ESR2: variants seen among roughly 807,000 people sequenced by gnomAD.
ESR2 encodes estrogen receptor 2.
ESR2 carries 36 observed loss-of-function variants against 49.6 expected under a neutral mutation model. That is an observed-to-expected ratio of 0.73 (90% CI 0.56 to 0.96). The LOEUF is 0.96. Among genes scored for constraint, ESR2 ranks in the 40% least tolerant of loss-of-function variants. ESR2 has a pLI of 0.00. For synonymous variants in ESR2, 320 were observed against 266.1 expected, an observed-to-expected ratio of 1.20 and a Z score of -1.97; for missense variants, 714 against 693.0, an observed-to-expected ratio of 1.03 and a Z score of -0.34.
At chr14:64,268,126 G>T (rs1329489609) in intron 4 of ESR2, among the ~76,000 whole-genome samples, 1 of 152,166 alleles carries the variant, frequency 6.6e-6, no homozygotes, top group African/African-American at 2.4e-5. Flanking sequence ...ATATACCAAA[G>T]TGCTCACTTT....
At chr14:64,253,020 T>C (rs1427377693) in intron 6 of ESR2, among the ~76,000 whole-genome samples, 2 of 151,892 alleles carry the variant, frequency 1.3e-5, no homozygotes, top group Non-Finnish European at 2.9e-5. Flanking sequence ...TATGCCTGGC[T>C]AATTTTTGCA....
chr14:64,337,070 CT>C (rs1357134586), intron 1 of ESR2, among the ~76,000 whole-genome samples: 2 of 152,210 alleles, frequency 1.3e-5, no homozygotes, highest in African/African-American at 4.8e-5. Flanking sequence ...TCAATAATAT[CT>C]CTAGCACCTA....
chr14:64,268,675 G>A lies in ESR2; in HGVS notation c.652+120C>T, dbSNP rs368896463. Reference sequence around the variant, plus strand: ...AATGCCCCCTCCAATGTGACAACACGCAAATACTTAATTACTATGTCCCAA... The same window carrying A: ...AATGCCCCCTCCAATGTGACAACACACAAATACTTAATTACTATGTCCCAA... On this transcript the variant is annotated intron_variant, in intron 4 of 8. Transcript: ENST00000341099. 6.2e-5 allele frequency: 42 copies of A among 673,134 alleles called. No individual in the cohort carries two copies. The Middle Eastern group carries it at 9.3e-4, about 15-fold the overall frequency. The allele number at this position is 673,134 out of a possible 1,614,324, so 41.7% of individuals were successfully genotyped here.
chr14:64,269,063 A>G lies in ESR2; in HGVS notation c.536-152T>C, dbSNP rs1016508438. On this transcript the variant is annotated intron_variant, in intron 3 of 8. Transcript: ENST00000341099. ...AGGTACAAAGCCAAAGTCAAGCTAC[A>G]TTGTCACCTTGTTAATGAGTAAAGG... 3.0e-5 allele frequency: 17 copies of G among 564,874 alleles called. No individual in the cohort carries two copies. In the East Asian group the frequency reaches 4.3e-4, roughly 14 times the overall value. The allele number at this position is 564,874 out of a possible 1,614,324, so 35.0% of individuals were successfully genotyped here.
chr14:64,268,305 T>A (rs929662439), intron 4 of ESR2, among the ~76,000 whole-genome samples: 1 of 152,220 alleles, frequency 6.6e-6, no homozygotes, highest in African/African-American at 2.4e-5. Context: ...CTCCTACATA[T>A]TTTTCTACTT....
chr14:64,239,286 A>G (rs2075671211), intron 7 of ESR2, among the ~76,000 whole-genome samples: 1 of 152,166 alleles, frequency 6.6e-6, no homozygotes, highest in South Asian at 2.1e-4. Context: ...ATCTTTCCTC[A>G]TCAGCATCCA....
intron 3 of ESR2, among the ~76,000 whole-genome samples, chr14:64,271,065 A>G (rs769030555): frequency 6.6e-6 from 1 of 151,826 alleles, no homozygotes; most frequent in Non-Finnish European, 1.5e-5. Flanking sequence ...AAACAATAAC[A>G]TCTCTAGTAT....
At chr14:64,227,305 T>A (rs2140570121), downstream of ESR2, 1 of 571,930 alleles carries the variant, frequency 1.7e-6, no homozygotes, top group Non-Finnish European at 3.0e-6. Context: ...CCTGGGCAGT[T>A]AAGGAGACCA....
chr14:64,227,727 T>C, downstream of ESR2: 3 of 1,567,456 alleles, frequency 1.9e-6, no homozygotes, highest in Non-Finnish European at 2.6e-6. Context: ...GATAAGGGCC[T>C]TTAAGCTGGT....
intron 1 of ESR2, among the ~76,000 whole-genome samples, chr14:64,284,633 CAATT>C (rs1370973419): frequency 2.6e-5 from 4 of 151,974 alleles, no homozygotes; most frequent in African/African-American, 9.7e-5. Flanking sequence ...CAGTAATAGA[CAATT>C]AATACAATAT....
intron 8 of ESR2, 170 bp downstream of exon 8, chr14:64,234,800 C>G: frequency 7.3e-7 from 1 of 1,374,678 alleles, no homozygotes; most frequent in Non-Finnish European, 9.6e-7. Flanking sequence ...CCTTCCATGC[C>G]CACTCTGTGC....
At chr14:64,300,930 A>G (rs531394752) in intron 1 of ESR2, among the ~76,000 whole-genome samples, 5 of 152,328 alleles carry the variant, frequency 3.3e-5, no homozygotes, top group Admixed American at 2.6e-4. Context: ...GTTTGCTCAC[A>G]GATGATGAGG....
chr14:64,258,317 T>C (rs768840937), intron 5 of ESR2, among the ~76,000 whole-genome samples: 2 of 152,136 alleles, frequency 1.3e-5, no homozygotes, highest in Non-Finnish European at 2.9e-5. Context: ...ACAGGTAATC[T>C]CTGGGGAGGG....
At chr14:64,308,247 T>C (rs1229904039) in intron 1 of ESR2, among the ~76,000 whole-genome samples, 1 of 151,924 alleles carries the variant, frequency 6.6e-6, no homozygotes, top group Non-Finnish European at 1.5e-5. Context: ...ACTCCTGAGC[T>C]CAAGCCATCA....
intron 1 of ESR2, among the ~76,000 whole-genome samples, chr14:64,286,905 T>G (rs1371336771): frequency 1.3e-5 from 2 of 151,736 alleles, no homozygotes; most frequent in Admixed American, 1.3e-4. Flanking sequence ...TTAGTAGAGA[T>G]GGGGTTTCAC....
intron 1 of ESR2, among the ~76,000 whole-genome samples, chr14:64,290,789 G>T (rs2076858556): frequency 1.3e-5 from 2 of 152,144 alleles, no homozygotes; most frequent in South Asian, 2.1e-4. Context: ...AATCACCAGA[G>T]AACTCATCAT....
intron 7 of ESR2, among the ~76,000 whole-genome samples, chr14:64,247,290 C>G (rs1390098454): frequency 6.6e-6 from 1 of 151,900 alleles, no homozygotes; most frequent in Non-Finnish European, 1.5e-5. Flanking sequence ...AAGTAACTAT[C>G]CTTAACACTC....
At chr14:64,307,023 TTGTCCATTTTATATA>T (rs1180520116) in intron 1 of ESR2, among the ~76,000 whole-genome samples, 2 of 152,124 alleles carry the variant, frequency 1.3e-5, no homozygotes, top group East Asian at 3.9e-4. Context: ...TTCAAGGGGT[TTGTCCATTTTATATA>T]TGTTGAATTT....
chr14:64,261,232 C>CTTTTTTTT lies in ESR2; in HGVS notation c.653-485_653-484insAAAAAAAA, dbSNP rs374264697. Among the ~76,000 whole-genome samples the CTTTTTTTT allele has an allele frequency of 1.3e-3, 113 of 88,662 alleles. 15 individuals carry two copies. The highest frequency in any genetic ancestry group is 1.4e-3 in the Non-Finnish European group (68 of 48,606). 58.2% of individuals were successfully genotyped at this position (88,662 alleles called of 152,430 possible). A position where few individuals can be genotyped will look rare whatever the true frequency, so the allele number is the denominator to read the frequency against. Reference sequence around the variant, plus strand: ...CAGTCTTTTTAATGCTTTTATTTTTCTTTTTTCTTTTTTTTTTTTTTTTGA... The same window carrying CTTTTTTTT: ...CAGTCTTTTTAATGCTTTTATTTTTCTTTTTTTTTTTTTTCTTTTTTTTTTTTTTTTGA... On this transcript the variant is annotated intron_variant, in intron 4 of 8. Coordinates refer to ENST00000341099, the MANE Select transcript of ESR2 (RefSeq NM_001437.3).
Sources: gnomAD v4.1 joint callset for allele counts (sites outside exome capture counted in the v4.1 genomes callset) on GRCh38, gnomAD v4.1.1 for gene constraint, MANE v1.5 for transcripts, NCBI Gene and HGNC (gene_info 2026-07-23, HGNC 2026-07-21) for gene names.